The following CTNND2 variants were observed in gnomAD, a reference collection of about 807,000 sequenced individuals.
CTNND2 encodes the protein catenin delta-2.
CTNND2 carries 22 observed loss-of-function variants against 144.4 expected under a neutral mutation model. That is an observed-to-expected ratio of 0.15 (90% CI 0.11 to 0.22). CTNND2 has a LOEUF of 0.22. Among genes scored for constraint, CTNND2 ranks in the 10% least tolerant of loss-of-function variants. The pLI is 1.00. For missense variants in CTNND2, 1,353 were observed against 1,618.8 expected, an observed-to-expected ratio of 0.84 and a Z score of 2.82; for synonymous variants, 751 against 695.6, an observed-to-expected ratio of 1.08 and a Z score of -1.25.
At chr5:11,142,708 G>T (rs1756860397) in intron 12 of CTNND2, among the ~76,000 whole-genome samples, 1 of 151,172 alleles carries the variant, frequency 6.6e-6, no homozygotes, top group Non-Finnish European at 1.5e-5. Flanking sequence ...CCGCCTCCCG[G>T]GTTCACGCCA....
intron 16 of CTNND2, among the ~76,000 whole-genome samples, chr5:11,077,638 CG>C (rs1243130626): frequency 6.6e-5 from 10 of 152,192 alleles, no homozygotes; most frequent in Non-Finnish European, 1.2e-4. Context: ...GAAGGAGTGA[CG>C]TGCTCTGACT....
At chr5:11,582,117 T>C (rs1276452247) in intron 2 of CTNND2, among the ~76,000 whole-genome samples, 1 of 152,166 alleles carries the variant, frequency 6.6e-6, no homozygotes. Context: ...GCTCATCTGG[T>C]CTGCATTACA....
At chr5:11,431,940 C>T (rs758234482) in intron 3 of CTNND2, among the ~76,000 whole-genome samples, 5 of 152,162 alleles carry the variant, frequency 3.3e-5, no homozygotes, top group Non-Finnish European at 4.4e-5. Flanking sequence ...CTTGTAAATT[C>T]GCATGGTATA....
intron 2 of CTNND2, among the ~76,000 whole-genome samples, chr5:11,717,954 T>C (rs1052129323): frequency 2.6e-5 from 4 of 152,134 alleles, no homozygotes; most frequent in African/African-American, 9.7e-5. Flanking sequence ...CTTAAATATA[T>C]TCCAACAATT....
intron 18 of CTNND2, among the ~76,000 whole-genome samples, chr5:11,008,849 T>C (rs551021248): frequency 3.0e-4 from 46 of 152,288 alleles, no homozygotes; most frequent in African/African-American, 1.0e-3. Flanking sequence ...GAGTGGACTA[T>C]GTAAAGACCT....
At chr5:11,100,714 T>C (rs909275035) in intron 14 of CTNND2, among the ~76,000 whole-genome samples, 1 of 152,198 alleles carries the variant, frequency 6.6e-6, no homozygotes, top group African/African-American at 2.4e-5. Flanking sequence ...TATTTTCATA[T>C]AAAAATGGAT....
At chr5:11,250,491 C>CTCTCTCTCTCTCTCTCTATA (rs869141186) in intron 9 of CTNND2, among the ~76,000 whole-genome samples, 2 of 64,120 alleles carry the variant, frequency 3.1e-5, no homozygotes, top group Non-Finnish European at 5.0e-5. Context: ...CTCTCTCTCT[C>CTCTCTCTCTCTCTCTCTATA]TATATATATA....
At chr5:11,891,504 G>A (rs886252384) in intron 1 of CTNND2, among the ~76,000 whole-genome samples, 4 of 152,108 alleles carry the variant, frequency 2.6e-5, no homozygotes, top group Non-Finnish European at 5.9e-5. Flanking sequence ...CCTAGCCCCC[G>A]ATGTGATGGC....
intron 1 of CTNND2, among the ~76,000 whole-genome samples, chr5:11,859,456 A>C (rs1382723922): frequency 6.6e-6 from 1 of 152,240 alleles, no homozygotes; most frequent in Non-Finnish European, 1.5e-5. Context: ...TATTGTAGGA[A>C]GAATAAATAT....
intron 2 of CTNND2, among the ~76,000 whole-genome samples, chr5:11,648,903 T>C (rs1782498926): frequency 6.6e-6 from 1 of 152,232 alleles, no homozygotes; most frequent in Admixed American, 6.5e-5. Context: ...ATATTTTATT[T>C]TCAGCTCCAT....
At chr5:11,570,490 G>A (rs1019281597) in intron 2 of CTNND2, among the ~76,000 whole-genome samples, 3 of 152,134 alleles carry the variant, frequency 2.0e-5, no homozygotes, top group Admixed American at 6.5e-5. Context: ...CACACTTAGT[G>A]AATAATAGGA....
At chr5:11,443,161 C>G (rs1764427381) in intron 3 of CTNND2, among the ~76,000 whole-genome samples, 1 of 146,332 alleles carries the variant, frequency 6.8e-6, no homozygotes, top group African/African-American at 2.5e-5. Context: ...TTGATTTTGA[C>G]TTTAAATATG....
intron 3 of CTNND2, among the ~76,000 whole-genome samples, chr5:11,413,701 G>T (rs1345482464): frequency 6.6e-6 from 1 of 152,122 alleles, no homozygotes; most frequent in Non-Finnish European, 1.5e-5. Flanking sequence ...CTTCCATGAT[G>T]ATCCTTGCGT....
chr5:11,767,754 G>A (rs1789679809), intron 1 of CTNND2, among the ~76,000 whole-genome samples: 1 of 152,134 alleles, frequency 6.6e-6, no homozygotes, highest in South Asian at 2.1e-4. Flanking sequence ...AGAGGCAGTT[G>A]AGGTAAGCTC....
intron 3 of CTNND2, among the ~76,000 whole-genome samples, chr5:11,499,117 T>G (rs1420243439): frequency 6.6e-6 from 1 of 152,202 alleles, no homozygotes; most frequent in Non-Finnish European, 1.5e-5. Context: ...ACTCCTGTAT[T>G]CTACTATATC....
chr5:11,711,703 C>T (rs1057395590), intron 2 of CTNND2, among the ~76,000 whole-genome samples: 2 of 152,306 alleles, frequency 1.3e-5, no homozygotes, highest in South Asian at 2.1e-4. Context: ...AATATATTTA[C>T]AACACTCCTA....
chr5:11,094,565 C>T (rs1025064014), intron 15 of CTNND2, among the ~76,000 whole-genome samples: 6 of 151,320 alleles, frequency 4.0e-5, no homozygotes, highest in Non-Finnish European at 5.9e-5. Context: ...CTGCAATCTC[C>T]GCCTCCCAGG....
intron 11 of CTNND2, among the ~76,000 whole-genome samples, chr5:11,165,097 T>C (rs1228869340): frequency 6.6e-6 from 1 of 152,216 alleles, no homozygotes; most frequent in Non-Finnish European, 1.5e-5. Flanking sequence ...AATGACGTCA[T>C]GCCTAGAGAA....
At chr5:11,881,529 G>A (rs78441789) in intron 1 of CTNND2, among the ~76,000 whole-genome samples, 30 of 151,862 alleles carry the variant, frequency 2.0e-4, no homozygotes, top group Middle Eastern at 3.4e-3. Flanking sequence ...AAGAACATGC[G>A]GTGTTTGTAT....
Sources: gnomAD v4.1 joint callset for allele counts (sites outside exome capture counted in the v4.1 genomes callset) on GRCh38, gnomAD v4.1.1 for gene constraint, MANE v1.5 for transcripts, NCBI Gene and HGNC (gene_info 2026-07-23, HGNC 2026-07-21) for gene names.